The following CSMD1 variants were observed in gnomAD, a reference collection of about 807,000 sequenced individuals.
The protein encoded by CSMD1 is CUB and Sushi multiple domains 1, also known as CUB and sushi domain-containing protein 1.
CSMD1 carries 213 observed loss-of-function variants against 417.5 expected under a neutral mutation model. That is an observed-to-expected ratio of 0.51 (90% CI 0.46 to 0.57). The LOEUF is 0.57. CSMD1 is among the 20% of genes least tolerant of loss of function. The probability of loss-of-function intolerance (pLI) is 0.00; values close to 1 mark genes in which losing one functional copy is unlikely to be tolerated. For synonymous variants in CSMD1, 2,862 were observed against 1,736.8 expected (o/e 1.65, Z -16.11); for missense variants, 6,923 against 4,529.7 (o/e 1.53, Z -15.17).
intron 4 of CSMD1, among the ~76,000 whole-genome samples, chr8:4,022,577 G>C (rs914878969): frequency 6.6e-6 from 1 of 152,152 alleles, no homozygotes; most frequent in Non-Finnish European, 1.5e-5. Context: ...TTGAGGGCAC[G>C]AGTAAAGAGA....
chr8:3,219,547 T>C lies in CSMD1; in HGVS notation c.4485-105A>G, dbSNP rs1332584762. 12 of 832,714 alleles carry C rather than the reference T, an allele frequency of 1.4e-5. No individual in the cohort carries two copies. The East Asian group carries it at 3.0e-4, about 21-fold the overall frequency. The allele number at this position is 832,714 out of a possible 1,614,324, so 51.6% of individuals were successfully genotyped here. On this transcript the variant is annotated intron_variant, in intron 28 of 69. Coordinates refer to ENST00000635120, the MANE Select transcript of CSMD1 (RefSeq NM_033225.6). The stretch of plus-strand genomic sequence containing the variant: ...AGTGATTTTATTTGCTTTTGTATAA[T>C]GATTTTTCAGTTAGGGCAATCAAAA...
chr8:3,149,823 C>G (rs933651274), intron 40 of CSMD1, among the ~76,000 whole-genome samples: 1 of 152,130 alleles, frequency 6.6e-6, no homozygotes, highest in Admixed American at 6.5e-5. Context: ...GCCCCTGTGC[C>G]TTAACTCATT....
At chr8:4,182,991 C>G (rs111961993) in intron 3 of CSMD1, among the ~76,000 whole-genome samples, 93 of 152,218 alleles carry the variant, frequency 6.1e-4, no homozygotes, top group Non-Finnish European at 1.1e-3. Flanking sequence ...GGATCAAAGT[C>G]TTTCAAGTAA....
intron 5 of CSMD1, among the ~76,000 whole-genome samples, chr8:3,828,129 G>A (rs1366398887): frequency 1.3e-5 from 2 of 152,100 alleles, no homozygotes; most frequent in African/African-American, 4.8e-5. Context: ...GGCAGAACCT[G>A]GGAACATCCT....
chr8:3,713,034 A>G lies in CSMD1; in HGVS notation c.932-4543T>C, dbSNP rs547528114. 9.0e-4 allele frequency among the ~76,000 whole-genome samples: 137 copies of G among 152,308 alleles called. No individual in the cohort carries two copies. In the East Asian group the frequency reaches 9.1e-3, roughly 10 times the overall value. On this transcript the variant is annotated intron_variant, in intron 6 of 69. Transcript: ENST00000635120. ...AACCAAGAAGTATGTGAGGTTAAAAAAAAAATTCCCCAAAAGCAACAAACA... is the reference window on the plus strand; with the variant it reads ...AACCAAGAAGTATGTGAGGTTAAAAGAAAAATTCCCCAAAAGCAACAAACA...
chr8:3,597,979 G>A (rs1289892126), intron 8 of CSMD1, among the ~76,000 whole-genome samples: 1 of 152,082 alleles, frequency 6.6e-6, no homozygotes, highest in African/African-American at 2.4e-5. Flanking sequence ...AGAACTTAAG[G>A]TATATTAAAA....
intron 3 of CSMD1, among the ~76,000 whole-genome samples, chr8:4,168,066 T>G (rs1002578604): frequency 6.6e-6 from 1 of 151,090 alleles, no homozygotes; most frequent in Non-Finnish European, 1.5e-5. Flanking sequence ...GAGGCAGAAG[T>G]TGTAGGGAGC....
intron 3 of CSMD1, among the ~76,000 whole-genome samples, chr8:4,352,864 G>C (rs559469905): frequency 6.6e-6 from 1 of 152,196 alleles, no homozygotes; most frequent in East Asian, 1.9e-4. Flanking sequence ...TCTTTGTTTT[G>C]TATTGATCGT....
At chr8:3,347,091 G>C (rs947268825) in intron 22 of CSMD1, among the ~76,000 whole-genome samples, 1 of 152,200 alleles carries the variant, frequency 6.6e-6, no homozygotes, top group Non-Finnish European at 1.5e-5. Flanking sequence ...AAAAATCACA[G>C]AACATCTCAT....
At chr8:3,964,585 G>T (rs540021480) in intron 5 of CSMD1, among the ~76,000 whole-genome samples, 2 of 152,248 alleles carry the variant, frequency 1.3e-5, no homozygotes, top group African/African-American at 4.8e-5. Context: ...TTAATTCTCT[G>T]ATCCACTTAA....
intron 23 of CSMD1, among the ~76,000 whole-genome samples, chr8:3,327,507 T>G (rs982966486): frequency 2.0e-5 from 3 of 152,216 alleles, no homozygotes; most frequent in African/African-American, 7.2e-5. Context: ...TACACATCTT[T>G]TTATTAACAT....
chr8:3,012,362 G>A (rs1015564169), intron 52 of CSMD1, among the ~76,000 whole-genome samples: 2 of 152,018 alleles, frequency 1.3e-5, no homozygotes, highest in Admixed American at 6.6e-5. Context: ...GTCTGTCAAC[G>A]CTCATCCATT....
chr8:3,723,240 T>C (rs551578774), intron 6 of CSMD1, among the ~76,000 whole-genome samples: 1 of 152,224 alleles, frequency 6.6e-6, no homozygotes, highest in Non-Finnish European at 1.5e-5. Context: ...GACCCATCCA[T>C]CAACAATGCA....
At chr8:3,754,654 CG>C (rs1322315168) in intron 5 of CSMD1, among the ~76,000 whole-genome samples, 3 of 152,144 alleles carry the variant, frequency 2.0e-5, no homozygotes, top group Non-Finnish European at 2.9e-5. Flanking sequence ...AAGGTTTTGC[CG>C]TGTTGGCCAG....
At chr8:3,032,383 G>C (rs1170361161) in intron 50 of CSMD1, among the ~76,000 whole-genome samples, 1 of 151,966 alleles carries the variant, frequency 6.6e-6, no homozygotes, top group East Asian at 1.9e-4. Flanking sequence ...GTCTTTGTCA[G>C]TTGTGTCTCC....
At chr8:4,234,512 C>G (rs547604980) in intron 3 of CSMD1, among the ~76,000 whole-genome samples, 8 of 152,160 alleles carry the variant, frequency 5.3e-5, no homozygotes, top group African/African-American at 1.9e-4. Flanking sequence ...GCAGTCTACA[C>G]TAGATATCAC....
chr8:4,150,116 A>C (rs1178041723), intron 3 of CSMD1, among the ~76,000 whole-genome samples: 1 of 152,206 alleles, frequency 6.6e-6, no homozygotes, highest in Non-Finnish European at 1.5e-5. Context: ...TGTATTTTCC[A>C]CATTGTGTAT....
intron 1 of CSMD1, among the ~76,000 whole-genome samples, chr8:4,876,895 A>T (rs1390482943): frequency 6.6e-6 from 1 of 152,116 alleles, no homozygotes; most frequent in Non-Finnish European, 1.5e-5. Flanking sequence ...CAAAGAACAC[A>T]TTGATTCAAG....
chr8:3,744,525 CA>C (rs1353918527), intron 6 of CSMD1, among the ~76,000 whole-genome samples: 3 of 151,928 alleles, frequency 2.0e-5, no homozygotes, highest in Non-Finnish European at 4.4e-5. Flanking sequence ...AAAATAGATC[CA>C]AAGATTCGTT....
Sources: allele counts gnomAD v4.1 joint callset (sites outside exome capture counted in the v4.1 genomes callset), GRCh38; gene constraint gnomAD v4.1.1; transcripts MANE v1.5; gene names NCBI Gene and HGNC (gene_info 2026-07-23, HGNC 2026-07-21).